DNAH14: variants seen among roughly 807,000 people sequenced by gnomAD.
DNAH14 encodes the protein dynein axonemal heavy chain 14.
A neutral mutation model predicts 520.9 loss-of-function variants in DNAH14; 478 were observed. The ratio of observed to expected loss-of-function variants is 0.92; its 90% CI spans 0.85 to 0.99. DNAH14 has a LOEUF of 0.99. Ranked by LOEUF, DNAH14 falls within the 50% of genes least tolerant of loss-of-function variation. DNAH14 has a pLI of 0.00. For missense variants in DNAH14, 4,831 were observed against 5,234.5 expected (o/e 0.92, Z 2.38); for synonymous variants, 1,581 against 1,757.2 (o/e 0.90, Z 2.51).
chr1:224,983,473 A>C (rs1433078964), intron 8 of DNAH14, among the ~76,000 whole-genome samples: 2 of 152,110 alleles, frequency 1.3e-5, no homozygotes, highest in Non-Finnish European at 2.9e-5. Context: ...AGTTGAAAGC[A>C]CTGAGAACGG....
rs866333998 is a variant in DNAH14 at position 225,153,295 on chromosome 1, G to A, written c.5196+412G>A. On this transcript the variant is annotated intron_variant, in intron 33 of 85. Coordinates refer to ENST00000682510, the MANE Select transcript of DNAH14 (RefSeq NM_001367479.1). The stretch of plus-strand genomic sequence containing the variant: ...GAGTTTCTAATTCTGTACTTCTGGT[G>A]TGGGGTTGGAGAATTTGTGTTTCTA... Among the ~76,000 whole-genome samples, 4 of 152,250 alleles carry A rather than the reference G, an allele frequency of 2.6e-5. No homozygotes were observed. In the South Asian group the frequency reaches 8.3e-4, roughly 32 times the overall value.
intron 53 of DNAH14, among the ~76,000 whole-genome samples, chr1:225,276,623 T>C (rs1166162760): frequency 7.9e-5 from 12 of 151,976 alleles, no homozygotes; most frequent in African/African-American, 2.9e-4. Context: ...CTGGGCCAGG[T>C]GTGGTGGCTT....
intron 1 of DNAH14, among the ~76,000 whole-genome samples, chr1:224,948,115 G>C (rs1357487679): frequency 6.6e-6 from 1 of 151,780 alleles, no homozygotes; most frequent in Admixed American, 6.6e-5. Flanking sequence ...GTAGGAAAAG[G>C]TTGGCCTGAT....
rs536746518 is a variant in DNAH14, at chr1:225,002,910, G to T, written c.958G>T (p.Ala320Ser). ...TAATGACCATGAAAATAATCTATCT[G>T]CCATATGCCTTGTAAAGGTGAGTAG... ...NYNDHENNLS[A>S]ICLVKLDSSR... The change falls in exon 9 of 86, where the codon GCC becomes TCC. Residue 320 changes from alanine to serine, a missense_variant. Coordinates refer to ENST00000682510, the MANE Select transcript of DNAH14 (RefSeq NM_001367479.1). 6.1e-5 allele frequency: 95 copies of T among 1,547,824 alleles called. No individual in the cohort carries two copies. The highest frequency in any genetic ancestry group is 7.4e-5 in the Non-Finnish European group (85 of 1,144,914).
intron 55 of DNAH14, among the ~76,000 whole-genome samples, chr1:225,300,161 T>C (rs1193529736): frequency 6.6e-6 from 1 of 152,164 alleles, no homozygotes; most frequent in Non-Finnish European, 1.5e-5. Context: ...AAAATAATCC[T>C]TCAGCAATGT....
chr1:224,997,581 A>G (rs917361657), intron 8 of DNAH14, among the ~76,000 whole-genome samples: 1 of 152,048 alleles, frequency 6.6e-6, no homozygotes, highest in Non-Finnish European at 1.5e-5. Flanking sequence ...TTGGGAGGTA[A>G]TAAAGGCCTG....
chr1:225,292,357 A>T (rs961645487), intron 55 of DNAH14, among the ~76,000 whole-genome samples: 2 of 152,136 alleles, frequency 1.3e-5, no homozygotes, highest in Non-Finnish European at 1.5e-5. Flanking sequence ...TTGAAGACTG[A>T]CTTTTTTCCA....
rs1250425729 is a variant in DNAH14 at position 225,340,544 on chromosome 1, C to T, written c.10521C>T (p.Phe3507=). Residue 3507 remains phenylalanine (F), a synonymous_variant, in exon 69 of 86, where the codon TTC becomes TTT. Coordinates refer to ENST00000682510, the MANE Select transcript of DNAH14 (RefSeq NM_001367479.1). ...FVTMINFTVT[F]QGLQDQLLST... Reference sequence around the variant, plus strand: ...CTATGATCAACTTCACTGTAACATTCCAAGGTTTGCAAGATCAACTCTTGT... The same window carrying T: ...CTATGATCAACTTCACTGTAACATTTCAAGGTTTGCAAGATCAACTCTTGT... The T allele has an allele frequency of 3.2e-6, 5 of 1,551,242 alleles. No individual in the cohort carries two copies. In the African/African-American group the frequency reaches 4.1e-5, roughly 13 times the overall value.
chr1:224,943,008 G>A (rs1464591505), intron 1 of DNAH14, among the ~76,000 whole-genome samples: 1 of 152,170 alleles, frequency 6.6e-6, no homozygotes, highest in Admixed American at 6.5e-5. Flanking sequence ...TCAGGATGAT[G>A]CTGGCCTCAT....
At chr1:225,227,298 C>T (rs1067207) in intron 41 of DNAH14, among the ~76,000 whole-genome samples, 19,389 of 152,052 alleles carry the variant, frequency 0.13, 1,366 homozygotes, top group East Asian at 0.31. Flanking sequence ...TGGCCTTCCG[C>T]AGTGCATTGT....
intron 11 of DNAH14, among the ~76,000 whole-genome samples, chr1:225,032,196 C>T (rs2066580981): frequency 1.3e-5 from 2 of 151,766 alleles, no homozygotes; most frequent in Non-Finnish European, 2.9e-5. Context: ...AGCTCAATAC[C>T]CAATAATGAT....
At chr1:225,094,282 A>G (rs553154454) in intron 21 of DNAH14, among the ~76,000 whole-genome samples, 1 of 152,318 alleles carries the variant, frequency 6.6e-6, no homozygotes, top group African/African-American at 2.4e-5. Flanking sequence ...AAGCAGACAC[A>G]TAGAACAGTG....
chr1:225,384,405 C>CAA (rs563008404), intron 81 of DNAH14, among the ~76,000 whole-genome samples: 1 of 151,728 alleles, frequency 6.6e-6, no homozygotes, highest in Non-Finnish European at 1.5e-5. Flanking sequence ...GATAGAGACA[C>CAA]AAAAAAACCT....
In DNAH14 at chr1:224,951,057, G is replaced by A. The variant is rs544092503; in HGVS notation, c.-33-1613G>A. On this transcript the variant is annotated intron_variant, in intron 1 of 85. Transcript: ENST00000682510. ...ATTTTATTTTTTGAGATGGAGTCTCGCTCTGTTGCCCAGGCTGGAGTGCAG... is the reference window on the plus strand; with the variant it reads ...ATTTTATTTTTTGAGATGGAGTCTCACTCTGTTGCCCAGGCTGGAGTGCAG... Among the ~76,000 whole-genome samples the A allele has an allele frequency of 6.3e-4, 96 of 152,004 alleles. 1 individual carries two copies. Among genetic ancestry groups the A allele is most frequent in the African/African-American group, 1.7e-3 (72 of 41,452 alleles).
At chr1:225,104,259 T>C (rs1461727905) in intron 23 of DNAH14, among the ~76,000 whole-genome samples, 2 of 152,142 alleles carry the variant, frequency 1.3e-5, no homozygotes, top group African/African-American at 2.4e-5. Context: ...TGGAGAAGCT[T>C]TTTGATGTGC....
At chr1:224,930,703 T>C (rs1007826522) in intron 1 of DNAH14, among the ~76,000 whole-genome samples, 1 of 152,174 alleles carries the variant, frequency 6.6e-6, no homozygotes, top group African/African-American at 2.4e-5. Flanking sequence ...GTTCACGCCA[T>C]TCTCCTGCCT....
intron 1 of DNAH14, among the ~76,000 whole-genome samples, chr1:224,946,904 C>T (rs9426156): frequency 0.082 from 11,564 of 140,878 alleles, 1,633 homozygotes; most frequent in African/African-American, 0.29. Context: ...TGTATATCAA[C>T]GTTTCATCTA....
chr1:225,365,351 C>T (rs1443350575), intron 76 of DNAH14, among the ~76,000 whole-genome samples: 1 of 152,166 alleles, frequency 6.6e-6, no homozygotes, highest in East Asian at 1.9e-4. Context: ...GTAAGACAGT[C>T]AATTCTATTA....
chr1:225,073,445 C>G (rs772877891), intron 17 of DNAH14, among the ~76,000 whole-genome samples: 6 of 151,240 alleles, frequency 4.0e-5, no homozygotes, highest in Admixed American at 1.3e-4. Flanking sequence ...CGACAAGGAA[C>G]AGGATTGGGA....
Sources: allele counts gnomAD v4.1 joint callset (sites outside exome capture counted in the v4.1 genomes callset), GRCh38; gene constraint gnomAD v4.1.1; transcripts MANE v1.5; gene names NCBI Gene and HGNC (gene_info 2026-07-23, HGNC 2026-07-21).